The following NRXN3 variants were observed in gnomAD, a reference collection of about 807,000 sequenced individuals.
NRXN3 encodes the protein neurexin III.
Under a neutral mutation model 137.6 loss-of-function variants are expected in NRXN3, and 32 were observed. The observed-to-expected ratio is 0.23, with a 90% CI of 0.18 to 0.31. The LOEUF (loss-of-function observed/expected upper bound fraction) is 0.31, where lower values mean the gene tolerates loss of function less well. NRXN3 is among the 10% of genes least tolerant of loss of function. The pLI, the probability that NRXN3 is intolerant of heterozygous loss-of-function variation, is 1.00. For missense variants in NRXN3, 1,574 were observed against 2,062.5 expected, an observed-to-expected ratio of 0.76 and a Z score of 4.59; for synonymous variants, 798 against 784.5, an observed-to-expected ratio of 1.02 and a Z score of -0.29.
chr14:78,557,313 C>G (rs1188441624), intron 4 of NRXN3, among the ~76,000 whole-genome samples: 1 of 151,264 alleles, frequency 6.6e-6, no homozygotes, highest in Non-Finnish European at 1.5e-5. Flanking sequence ...CTTGGCCTCT[C>G]AAAGTACTGG....
At chr14:78,219,928 G>A (rs1276872083) in intron 1 of NRXN3, among the ~76,000 whole-genome samples, 1 of 152,104 alleles carries the variant, frequency 6.6e-6, no homozygotes, top group East Asian at 1.9e-4. Flanking sequence ...GGATGGGGAT[G>A]GAGGGTAGAA....
chr14:78,369,789 A>G (rs571113978), intron 4 of NRXN3, among the ~76,000 whole-genome samples: 3 of 152,244 alleles, frequency 2.0e-5, no homozygotes, highest in African/African-American at 7.2e-5. Flanking sequence ...AATGTTATTA[A>G]TGATGTAATG....
intron 10 of NRXN3, among the ~76,000 whole-genome samples, chr14:78,939,422 C>T (rs900150903): frequency 2.6e-5 from 4 of 152,216 alleles, no homozygotes; most frequent in Non-Finnish European, 5.9e-5. Context: ...CTTGGTTACA[C>T]AATGTTCATC....
At chr14:78,313,174 G>GA (rs1331179345) in intron 4 of NRXN3, among the ~76,000 whole-genome samples, 1 of 152,050 alleles carries the variant, frequency 6.6e-6, no homozygotes, top group Non-Finnish European at 1.5e-5. Context: ...AAAATTATAG[G>GA]AAAAAAATAC....
chr14:78,684,793 C>CA (rs1257711285), intron 6 of NRXN3, among the ~76,000 whole-genome samples: 1 of 152,122 alleles, frequency 6.6e-6, no homozygotes, highest in Non-Finnish European at 1.5e-5. Flanking sequence ...GACCTTGTCT[C>CA]AAAAACAACA....
At position 79,526,781 on chromosome 14, in the gene NRXN3, C is replaced by T. The variant is rs117819125; in HGVS notation, c.3444+59379C>T. Among the ~76,000 whole-genome samples, 430 of 152,152 alleles carry T rather than the reference C, an allele frequency of 2.8e-3. 1 individual carries two copies. Among genetic ancestry groups the T allele is most frequent in the Non-Finnish European group, 4.7e-3 (317 of 68,016 alleles). ...CTAGAAACGCTGGGAAAGAAACGAACGTGAGAGACACTTATTGGAATTTAA... is the reference window on the plus strand; with the variant it reads ...CTAGAAACGCTGGGAAAGAAACGAATGTGAGAGACACTTATTGGAATTTAA... On this transcript the variant is annotated intron_variant, in intron 16 of 20. Transcript: ENST00000335750.
chr14:79,174,518 T>TATATAC (rs766756150), intron 15 of NRXN3, among the ~76,000 whole-genome samples: 4 of 148,442 alleles, frequency 2.7e-5, no homozygotes, highest in Non-Finnish European at 5.9e-5. Flanking sequence ...TATATATATA[T>TATATAC]ACACACACAT....
chr14:79,018,515 A>G (rs2099583659), intron 15 of NRXN3, among the ~76,000 whole-genome samples: 1 of 152,036 alleles, frequency 6.6e-6, no homozygotes, highest in Non-Finnish European at 1.5e-5. Context: ...TAAGAATTTT[A>G]CCATTATGAT....
chr14:78,960,423 G>GC (rs896939579), intron 11 of NRXN3, among the ~76,000 whole-genome samples: 35 of 152,122 alleles, frequency 2.3e-4, no homozygotes, highest in Admixed American at 1.8e-3. Context: ...GTTCTTTAAG[G>GC]CCCCCCTAGT....
At position 79,233,666 on chromosome 14, in the gene NRXN3, CTGTGTGTGTG is replaced by C. The variant is rs143246182; in HGVS notation, c.3263-233533_3263-233524del. ...AGACATTTTTACTCTAGTATAACTG[CTGTGTGTGTG>C]TGTGTGTGTGTGTGTGTGTGTCTGT... On this transcript the variant is annotated intron_variant, in intron 15 of 20. Transcript: ENST00000335750. Among the ~76,000 whole-genome samples the C allele has an allele frequency of 1.5e-3, 215 of 145,068 alleles. 2 individuals are homozygous for C. In the East Asian group the frequency reaches 0.017, roughly 12 times the overall value.
chr14:79,468,481 A>G (rs2096458330), intron 16 of NRXN3, among the ~76,000 whole-genome samples: 2 of 152,256 alleles, frequency 1.3e-5, no homozygotes, highest in South Asian at 4.1e-4. Context: ...AAGGCAGTTA[A>G]GAAAAAAGAT....
chr14:79,478,829 T>C (rs1284391751), intron 16 of NRXN3, among the ~76,000 whole-genome samples: 1 of 152,096 alleles, frequency 6.6e-6, no homozygotes, highest in East Asian at 1.9e-4. Context: ...ATAGGAAGAT[T>C]AGCAACCAGG....
Position 79,097,141 on chromosome 14 carries a change from A to G in NRXN3, c.3262+109000A>G, listed in dbSNP as rs117381126. Among the ~76,000 whole-genome samples, 243 of 152,002 alleles carry G rather than the reference A, an allele frequency of 1.6e-3. 1 individual carries two copies. Among genetic ancestry groups the G allele is most frequent in the Non-Finnish European group, 3.2e-3 (219 of 68,000 alleles). Reference sequence around the variant, plus strand: ...TAAGCCTCAAATCCTGTTGGTCATCACCCTAAATAATCTATCACTTATCAC... The same window carrying G: ...TAAGCCTCAAATCCTGTTGGTCATCGCCCTAAATAATCTATCACTTATCAC... On this transcript the variant is annotated intron_variant, in intron 15 of 20. Coordinates refer to ENST00000335750, the MANE Select transcript of NRXN3 (RefSeq NM_001330195.2).
rs765646429 is a variant in NRXN3 at position 78,709,194 on chromosome 14, C to T, written c.1222-23C>T. 7 of 1,590,234 alleles carry T rather than the reference C, an allele frequency of 4.4e-6. No individual in the cohort carries two copies. The Admixed American group carries it at 1.2e-4, about 27-fold the overall frequency. On this transcript the variant is annotated intron_variant, in intron 6 of 20. Coordinates refer to ENST00000335750, the MANE Select transcript of NRXN3 (RefSeq NM_001330195.2). ...CTGTTTGCAAGATTGATTCACATGG[C>T]ACTTTTGTTTGGCTTTTGACAGGTT...
intron 15 of NRXN3, among the ~76,000 whole-genome samples, chr14:79,422,458 A>G (rs768917863): frequency 5.9e-5 from 9 of 152,120 alleles, no homozygotes; most frequent in Non-Finnish European, 1.0e-4. Context: ...TTGCTTTTAT[A>G]TTCAACTGCA....
intron 4 of NRXN3, among the ~76,000 whole-genome samples, chr14:78,630,020 G>A (rs1291392460): frequency 6.6e-6 from 1 of 152,132 alleles, no homozygotes; most frequent in Non-Finnish European, 1.5e-5. Flanking sequence ...TACTTGATGT[G>A]CTTTATTTTT....
chr14:79,111,643 C>A (rs958515577), intron 15 of NRXN3, among the ~76,000 whole-genome samples: 1 of 151,290 alleles, frequency 6.6e-6, no homozygotes, highest in African/African-American at 2.4e-5. Context: ...GAGACTGAGG[C>A]AGGAGAATCT....
At chr14:78,464,189 C>A (rs892653048) in intron 4 of NRXN3, among the ~76,000 whole-genome samples, 1 of 151,598 alleles carries the variant, frequency 6.6e-6, no homozygotes, top group Admixed American at 6.6e-5. Flanking sequence ...AGTAGCTGGG[C>A]CTACAGGCAC....
At chr14:79,082,459 T>C (rs953670856) in intron 15 of NRXN3, among the ~76,000 whole-genome samples, 15 of 151,344 alleles carry the variant, frequency 9.9e-5, no homozygotes, top group Non-Finnish European at 1.9e-4. Context: ...GCACAGGGGC[T>C]CTCAAAAGAA....
Sources: allele counts gnomAD v4.1 joint callset (sites outside exome capture counted in the v4.1 genomes callset), GRCh38; gene constraint gnomAD v4.1.1; transcripts MANE v1.5; gene names NCBI Gene and HGNC (gene_info 2026-07-23, HGNC 2026-07-21).